The following CCNY variants were observed in gnomAD, a reference collection of about 807,000 sequenced individuals.
CCNY encodes the protein cyclin-Y.
A neutral mutation model predicts 42.8 loss-of-function variants in CCNY; 19 were observed. The observed-to-expected ratio is 0.44, with a 90% CI of 0.31 to 0.65. The LOEUF is 0.65. Among genes scored for constraint, CCNY ranks in the 30% least tolerant of loss-of-function variants. The pLI is 0.07. For synonymous variants in CCNY, 165 were observed against 162.7 expected, an observed-to-expected ratio of 1.01 and a Z score of -0.11; for missense variants, 370 against 437.3, an observed-to-expected ratio of 0.85 and a Z score of 1.37.
chr10:35,507,937 ATC>A (rs1840247892), intron 3 of CCNY, among the ~76,000 whole-genome samples: 1 of 152,116 alleles, frequency 6.6e-6, no homozygotes, highest in African/African-American at 2.4e-5. Flanking sequence ...AGGCAGTTTC[ATC>A]TGACTCTTGT....
At chr10:35,490,239 T>C (rs1223369946) in intron 2 of CCNY, among the ~76,000 whole-genome samples, 2 of 152,238 alleles carry the variant, frequency 1.3e-5, no homozygotes, top group South Asian at 2.1e-4. Context: ...CATATGACTT[T>C]GTTGGCAAAG....
rs917769803 is a variant in CCNY, at chr10:35,314,166, T to C, written c.-9+63540T>C. On this transcript the variant is annotated intron_variant, in intron 3 of 11. Coordinates refer to the CCNY transcript ENST00000374706. ...GTCAATAGTCCTCATTCTCCCTTTA[T>C]GTTAATTAGATCACACTCATATTAG... is the stretch of plus-strand genomic sequence containing the variant. Among the ~76,000 whole-genome samples the C allele has an allele frequency of 3.3e-5, 5 of 152,206 alleles. No homozygotes were observed. In the South Asian group the frequency reaches 1.0e-3, roughly 32 times the overall value.
At chr10:35,480,042 A>G (rs964612172) in intron 1 of CCNY, among the ~76,000 whole-genome samples, 2 of 151,674 alleles carry the variant, frequency 1.3e-5, no homozygotes, top group Non-Finnish European at 2.9e-5. Flanking sequence ...GATAGAACAC[A>G]TATTGTAATT....
intron 1 of CCNY, among the ~76,000 whole-genome samples, chr10:35,405,962 G>C (rs1188115786): frequency 6.6e-6 from 1 of 152,200 alleles, no homozygotes; most frequent in Non-Finnish European, 1.5e-5. Context: ...GGGGGAGGAA[G>C]TTCTAGAGGA....
chr10:35,513,188 C>T (rs575638281), intron 3 of CCNY, among the ~76,000 whole-genome samples: 12 of 152,188 alleles, frequency 7.9e-5, no homozygotes, highest in African/African-American at 2.6e-4. Context: ...CTCTAAAATT[C>T]GATTATTCTG....
At chr10:35,411,279 G>A (rs1837898288) in intron 1 of CCNY, among the ~76,000 whole-genome samples, 1 of 152,212 alleles carries the variant, frequency 6.6e-6, no homozygotes, top group African/African-American at 2.4e-5. Flanking sequence ...TTGGGAGGCC[G>A]AGGCAGGAGG....
chr10:35,268,197 T>G (rs1183971464), intron 3 of CCNY, among the ~76,000 whole-genome samples: 1 of 152,096 alleles, frequency 6.6e-6, no homozygotes, highest in Non-Finnish European at 1.5e-5. Context: ...GCAGGGCCCC[T>G]TGGTTCTTAT....
At chr10:35,395,066 A>G (rs1322111884) in intron 1 of CCNY, among the ~76,000 whole-genome samples, 1 of 152,026 alleles carries the variant, frequency 6.6e-6, no homozygotes, top group Non-Finnish European at 1.5e-5. Context: ...GCTTTAATAA[A>G]GTAATAGTTC....
intron 3 of CCNY, among the ~76,000 whole-genome samples, chr10:35,282,144 C>G (rs1223108886): frequency 2.5e-5 from 3 of 120,808 alleles, no homozygotes; most frequent in East Asian, 2.5e-4. Flanking sequence ...TTTGAGACAG[C>G]GTTGCTCACT....
intron 1 of CCNY, among the ~76,000 whole-genome samples, chr10:35,451,857 T>A (rs1269674360): frequency 6.6e-6 from 1 of 152,212 alleles, no homozygotes; most frequent in African/African-American, 2.4e-5. Context: ...CCTGTCCTGC[T>A]GCTGTCACCC....
At chr10:35,520,135 G>A (rs1840519187) in intron 4 of CCNY, among the ~76,000 whole-genome samples, 1 of 152,142 alleles carries the variant, frequency 6.6e-6, no homozygotes. Flanking sequence ...AGAGCCATCA[G>A]AATCCTTCCC....
intron 1 of CCNY, among the ~76,000 whole-genome samples, chr10:35,422,107 G>T (rs961578187): frequency 1.3e-5 from 2 of 151,986 alleles, no homozygotes; most frequent in Non-Finnish European, 2.9e-5. Context: ...GACTTATTTT[G>T]TATTCTATAA....
chr10:35,404,560 T>C (rs1416863736), intron 1 of CCNY, among the ~76,000 whole-genome samples: 2 of 152,044 alleles, frequency 1.3e-5, no homozygotes, highest in East Asian at 3.9e-4. Context: ...AATAAGGTAA[T>C]GTGGAGTGAG....
intron 1 of CCNY, among the ~76,000 whole-genome samples, chr10:35,386,840 T>G (rs3013372): frequency 2.6e-5 from 4 of 152,022 alleles, no homozygotes; most frequent in African/African-American, 9.7e-5. Flanking sequence ...GTAAAACCTG[T>G]TTTTTTGTTT....
chr10:35,307,818 A>ATAT (rs1293872337), intron 3 of CCNY, among the ~76,000 whole-genome samples: 3 of 96,168 alleles, frequency 3.1e-5, no homozygotes, highest in African/African-American at 8.2e-5. Flanking sequence ...ATATATATAT[A>ATAT]TTTTTTTTTT....
At chr10:35,533,197 G>C (rs1221760015) in intron 7 of CCNY, among the ~76,000 whole-genome samples, 1 of 152,128 alleles carries the variant, frequency 6.6e-6, no homozygotes, top group African/African-American at 2.4e-5. Flanking sequence ...TTCAGTTTTG[G>C]AGAGGGGAGA....
chr10:35,534,024 C>CTTT (rs796729108), intron 7 of CCNY, among the ~76,000 whole-genome samples: 2 of 143,968 alleles, frequency 1.4e-5, no homozygotes, highest in African/African-American at 2.5e-5. Context: ...CATTGCTTAA[C>CTTT]TTTTTTTTTT....
At chr10:35,408,160 A>C (rs1376983827) in intron 1 of CCNY, among the ~76,000 whole-genome samples, 1 of 152,142 alleles carries the variant, frequency 6.6e-6, no homozygotes, top group Non-Finnish European at 1.5e-5. Context: ...CCTGATCTAA[A>C]ATTGGGGAGA....
At chr10:35,351,190 C>T (rs1376527195) in intron 1 of CCNY, among the ~76,000 whole-genome samples, 1 of 152,206 alleles carries the variant, frequency 6.6e-6, no homozygotes, top group Non-Finnish European at 1.5e-5. Context: ...AAGGCCCCTG[C>T]ATGTGATTGT....
Sources: gnomAD v4.1 joint callset for allele counts (sites outside exome capture counted in the v4.1 genomes callset) on GRCh38, gnomAD v4.1.1 for gene constraint, MANE v1.5 for transcripts, NCBI Gene and HGNC (gene_info 2026-07-23, HGNC 2026-07-21) for gene names.